PCDHGB1: variants seen among roughly 807,000 people sequenced by gnomAD.
The protein encoded by PCDHGB1 is protocadherin gamma subfamily B, 1.
In PCDHGB1, 34 loss-of-function variants were observed where a neutral mutation model predicts 56.6. The ratio of observed to expected loss-of-function variants is 0.60; its 90% CI spans 0.46 to 0.80. The LOEUF (loss-of-function observed/expected upper bound fraction) is 0.80, where lower values mean the gene tolerates loss of function less well. Among genes scored for constraint, PCDHGB1 ranks in the 30% least tolerant of loss-of-function variants. PCDHGB1 has a pLI of 0.00. For synonymous variants in PCDHGB1, 561 were observed against 505.9 expected (o/e 1.11, Z -1.46); for missense variants, 1,278 against 1,204.6 (o/e 1.06, Z -0.90).
chr5:141,462,243 A>C (rs141980823), intron 1 of PCDHGB1, among the ~76,000 whole-genome samples: 70 of 152,368 alleles, frequency 4.6e-4, no homozygotes, highest in African/African-American at 1.6e-3. Flanking sequence ...TACAGGTATG[A>C]GCCACCATGA....
At chr5:141,467,565 C>A (rs2154569547) in intron 1 of PCDHGB1, among the ~76,000 whole-genome samples, 1 of 152,302 alleles carries the variant, frequency 6.6e-6, no homozygotes, top group East Asian at 1.9e-4. Context: ...TCCCAAATGG[C>A]TATCCAGTTG....
Position 141,431,669 on chromosome 5 carries a change from A to G in PCDHGB1, c.2410-63138A>G, listed in dbSNP as rs2154554523. ...TTGTAATTCAGGGACAATATCAACA[A>G]TAGGGGAGTTGGACCACGAGGAGTC... On this transcript the variant is annotated intron_variant, in intron 1 of 3. Transcript: ENST00000523390. The surrounding 1 kb of genome is among the most constrained non-coding windows in gnomAD (Gnocchi z 4.8). 2 of 1,614,210 alleles carry G rather than the reference A, an allele frequency of 1.2e-6. No individual in the cohort carries two copies. Among genetic ancestry groups the G allele is most frequent in the South Asian group, 1.1e-5 (1 of 91,084 alleles).
chr5:141,351,227 C>A lies in PCDHGB1; in HGVS notation c.967C>A (p.His323Asn). 6.2e-7 allele frequency: 1 copy of A among 1,613,986 alleles called. No individual in the cohort carries two copies. The highest frequency in any genetic ancestry group is 1.6e-4 in the Middle Eastern group (1 of 6,062). ...LSVEAKDGGV[H>N]TAHCNVQIEI... is the part of the protein sequence containing the mutation. ...TGTGGAAGCTAAGGATGGAGGAGTA[C>A]ACACAGCTCACTGTAATGTTCAAAT... is the stretch of plus-strand genomic sequence containing the variant. The change falls in exon 1 of 4, where the codon CAC (histidine) becomes AAC (asparagine). Residue 323 changes from histidine (H) to asparagine (N), a missense_variant. By Grantham distance (68) the His-to-Asn change is moderately conservative. Coordinates refer to ENST00000523390, the MANE Select transcript of PCDHGB1 (RefSeq NM_018922.3).
Position 141,351,785 on chromosome 5 carries a change from G to T in PCDHGB1, c.1525G>T (p.Val509Leu). Residue 509 changes from valine (V) to leucine (L), a missense_variant, in exon 1 of 4, where the codon GTG becomes TTG. Val to Leu is a conservative substitution (Grantham distance 32). Coordinates refer to ENST00000523390, the MANE Select transcript of PCDHGB1 (RefSeq NM_018922.3). ...CGTGTCCGTGAGCCCGCAGAGCGGG[G>T]TGGTGTTCGCGCAGCGCGCCTTCGA... ...SYVSVSPQSG[V>L]VFAQRAFDHE... 1.9e-6 allele frequency: 3 copies of T among 1,613,436 alleles called. No individual in the cohort carries two copies. The highest frequency in any genetic ancestry group is 2.5e-6 in the Non-Finnish European group (3 of 1,179,906).
intron 1 of PCDHGB1, chr5:141,423,117 G>A (rs1429958385): frequency 6.2e-7 from 1 of 1,613,698 alleles, no homozygotes; most frequent in Non-Finnish European, 8.5e-7. Flanking sequence ...TGCGTACAGC[G>A]CGGGCACTGC....
At chr5:141,415,066 C>A in intron 1 of PCDHGB1, 1 of 1,613,410 alleles carries the variant, frequency 6.2e-7, no homozygotes, top group Non-Finnish European at 8.5e-7. Flanking sequence ...GGGCGAGGTG[C>A]GCACGGCGCG....
chr5:141,362,574 T>C, intron 1 of PCDHGB1: 3 of 1,605,712 alleles, frequency 1.9e-6, no homozygotes, highest in Non-Finnish European at 2.6e-6. Flanking sequence ...TTAATTAATT[T>C]ATTTTCACTT....
chr5:141,375,212 G>T (rs757227553), intron 1 of PCDHGB1: 1 of 1,613,944 alleles, frequency 6.2e-7, no homozygotes, highest in Admixed American at 1.7e-5. Flanking sequence ...TCGAGACTCT[G>T]GCCTGAATGG....
At chr5:141,450,445 T>C (rs1490338949) in intron 1 of PCDHGB1, among the ~76,000 whole-genome samples, 1 of 152,168 alleles carries the variant, frequency 6.6e-6, no homozygotes, top group East Asian at 1.9e-4. Context: ...ATTTGTTTTA[T>C]GTTTCCTCGT....
intron 1 of PCDHGB1, chr5:141,420,295 T>G (rs1282298065): frequency 6.8e-7 from 1 of 1,466,506 alleles, no homozygotes; most frequent in East Asian, 2.3e-5. Flanking sequence ...AAAAATGTAT[T>G]TAATCCTTTT....
At chr5:141,375,816 C>A (rs755968729) in intron 1 of PCDHGB1, 6 of 1,614,194 alleles carry the variant, frequency 3.7e-6, no homozygotes, top group South Asian at 3.3e-5. Context: ...GTGGAGCTGG[C>A]GCCCCGCTCC....
chr5:141,352,902 C>G (rs1561504413), intron 1 of PCDHGB1, among the ~76,000 whole-genome samples: 1 of 152,122 alleles, frequency 6.6e-6, no homozygotes, highest in Non-Finnish European at 1.5e-5. Flanking sequence ...ACAGGAGGAT[C>G]GCTTGAGCCC....
At chr5:141,399,501 C>G in intron 1 of PCDHGB1, 1 of 1,614,030 alleles carries the variant, frequency 6.2e-7, no homozygotes, top group South Asian at 1.1e-5. Flanking sequence ...TCAGTGTACC[C>G]GAAAACAACC....
intron 1 of PCDHGB1, among the ~76,000 whole-genome samples, chr5:141,353,206 T>A (rs1759215338): frequency 6.6e-6 from 1 of 152,198 alleles, no homozygotes. Context: ...TAAAGAGACC[T>A]GTTTCCTAGA....
intron 1 of PCDHGB1, chr5:141,413,266 GGA>G: frequency 6.2e-7 from 1 of 1,613,962 alleles, no homozygotes; most frequent in South Asian, 1.1e-5. Context: ...ATGGGAGGCT[GGA>G]GCCCGGCAGA....
chr5:141,372,405 A>T, intron 1 of PCDHGB1: 2 of 1,614,024 alleles, frequency 1.2e-6, no homozygotes, highest in Non-Finnish European at 1.7e-6. Context: ...CTTGCAAGAG[A>T]TACAACCTGA....
intron 1 of PCDHGB1, chr5:141,394,313 C>G: frequency 6.2e-7 from 1 of 1,614,022 alleles, no homozygotes; most frequent in Non-Finnish European, 8.5e-7. Flanking sequence ...AGGGGGCGCC[C>G]CTGTCCTCGT....
At chr5:141,390,529 T>C in intron 1 of PCDHGB1, 1 of 537,128 alleles carries the variant, frequency 1.9e-6, no homozygotes, top group Non-Finnish European at 3.3e-6. Context: ...GAGGGTGTGG[T>C]TTTAACCACA....
At position 141,432,374 on chromosome 5, in the gene PCDHGB1, C is replaced by G; in HGVS notation, c.2410-62433C>G. The G allele has an allele frequency of 6.2e-7, 1 of 1,614,240 alleles. No individual in the cohort carries two copies. The highest frequency in any genetic ancestry group is 1.1e-5 in the South Asian group (1 of 91,082). ...GAAAGTGATGGCGCGGGACAACGGG[C>G]ACCCGCCCCTCAGCAGCAACGTGTC... On this transcript the variant is annotated intron_variant, in intron 1 of 3. Transcript: ENST00000523390. The surrounding 1 kb of genome is among the most constrained non-coding windows in gnomAD (Gnocchi z 6.0).
Sources: allele counts gnomAD v4.1 joint callset (sites outside exome capture counted in the v4.1 genomes callset), GRCh38; gene constraint gnomAD v4.1.1; non-coding constraint Gnocchi (gnomAD v3.1); transcripts MANE v1.5; gene names NCBI Gene and HGNC (gene_info 2026-07-23, HGNC 2026-07-21).